Variants in ROBO1 observed in about 807,000 individuals in gnomAD.
ROBO1 encodes roundabout guidance receptor 1.
Under a neutral mutation model 195.9 loss-of-function variants are expected in ROBO1, and 149 were observed. That is an observed-to-expected ratio of 0.76 (90% CI 0.67 to 0.87). The LOEUF is 0.87. ROBO1 is among the 40% of genes least tolerant of loss of function. The pLI is 0.00. For missense variants in ROBO1, 1,933 were observed against 2,068.3 expected (o/e 0.93, Z 1.27); for synonymous variants, 816 against 733.2 (o/e 1.11, Z -1.82).
rs540985930 is a variant in ROBO1, at chr3:78,982,913, CT to C, written c.173-43987del. 8.4e-4 allele frequency among the ~76,000 whole-genome samples: 126 copies of C among 149,408 alleles called. 1 individual carries two copies. Among genetic ancestry groups the C allele is most frequent in the African/African-American group, 2.9e-3 (120 of 40,882 alleles). ...GGATTACAGGTGTGAGACACCACAT[CT>C]TTTTTTTTTATTTTTTTGAGACAAA... On this transcript the variant is annotated intron_variant, in intron 3 of 30. Coordinates refer to ENST00000464233, the MANE Select transcript of ROBO1 (RefSeq NM_002941.4).
chr3:79,221,506 G>T (rs966783279), intron 2 of ROBO1, among the ~76,000 whole-genome samples: 1 of 151,976 alleles, frequency 6.6e-6, no homozygotes, highest in Non-Finnish European at 1.5e-5. Context: ...TTAGATTAGC[G>T]ACTTGTTTTT....
At chr3:79,633,490 T>C (rs1945407764) in intron 1 of ROBO1, among the ~76,000 whole-genome samples, 1 of 151,588 alleles carries the variant, frequency 6.6e-6, no homozygotes, top group African/African-American at 2.4e-5. Flanking sequence ...CCAGCCTACA[T>C]ATTTGTTCTT....
At chr3:78,675,233 G>T (rs147542598) in intron 10 of ROBO1, among the ~76,000 whole-genome samples, 188 of 151,968 alleles carry the variant, frequency 1.2e-3, no homozygotes, top group African/African-American at 4.2e-3. Context: ...CTCCCAGCGT[G>T]AGCGACGCAG....
chr3:79,221,685 T>G (rs1185694065), intron 2 of ROBO1, among the ~76,000 whole-genome samples: 1 of 152,100 alleles, frequency 6.6e-6, no homozygotes, highest in East Asian at 1.9e-4. Context: ...CATACAAGTT[T>G]ATGTGAAGGG....
At position 79,707,121 on chromosome 3, in the gene ROBO1, A is replaced by G. The variant is rs144584947; in HGVS notation, c.-51+60631T>C. On this transcript the variant is annotated intron_variant, in intron 1 of 30. Transcript: ENST00000464233. ...CTGGAACTCACCAGGTAATTCATCT[A>G]GGCATGGTGCTTTCAGATTTAGAAA... 1.0e-3 allele frequency among the ~76,000 whole-genome samples: 156 copies of G among 152,232 alleles called. 1 individual carries two copies. The highest frequency in any genetic ancestry group is 1.7e-3 in the Non-Finnish European group (117 of 68,016).
intron 4 of ROBO1, among the ~76,000 whole-genome samples, chr3:78,799,578 T>TG (rs1328767142): frequency 6.6e-6 from 1 of 151,850 alleles, no homozygotes; most frequent in Non-Finnish European, 1.5e-5. Context: ...CCTGACCTCG[T>TG]GATCCACCCA....
At chr3:79,508,912 C>A (rs1298761223) in intron 2 of ROBO1, among the ~76,000 whole-genome samples, 1 of 152,018 alleles carries the variant, frequency 6.6e-6, no homozygotes, top group African/African-American at 2.4e-5. Context: ...TCATGTATTT[C>A]ATTTAAGATA....
chr3:79,576,626 T>C (rs1430023354), intron 2 of ROBO1, among the ~76,000 whole-genome samples: 1 of 152,136 alleles, frequency 6.6e-6, no homozygotes, highest in Non-Finnish European at 1.5e-5. Context: ...CCAATGCTTT[T>C]GGTTAACATT....
intron 2 of ROBO1, among the ~76,000 whole-genome samples, chr3:79,261,357 G>T (rs1408778361): frequency 6.6e-6 from 1 of 151,938 alleles, no homozygotes; most frequent in African/African-American, 2.4e-5. Context: ...ATCAGGCACT[G>T]TAAAAATGGG....
At chr3:78,736,939 A>T (rs1191430190) in intron 5 of ROBO1, among the ~76,000 whole-genome samples, 1 of 152,190 alleles carries the variant, frequency 6.6e-6, no homozygotes, top group East Asian at 1.9e-4. Context: ...CATCTGAATC[A>T]CATAATTTCT....
intron 1 of ROBO1, among the ~76,000 whole-genome samples, chr3:79,638,925 T>C (rs189041647): frequency 1.4e-4 from 22 of 152,282 alleles, no homozygotes. Flanking sequence ...TTTCAGAATA[T>C]CAAGTACCAC....
At chr3:79,220,132 A>C (rs1321987738) in intron 2 of ROBO1, among the ~76,000 whole-genome samples, 1 of 152,120 alleles carries the variant, frequency 6.6e-6, no homozygotes, top group East Asian at 1.9e-4. Flanking sequence ...CTTAGAGAAA[A>C]TATAATACAA....
chr3:79,431,224 A>G (rs1243636453), intron 2 of ROBO1, among the ~76,000 whole-genome samples: 1 of 152,168 alleles, frequency 6.6e-6, no homozygotes, highest in African/African-American at 2.4e-5. Flanking sequence ...AACTAGTATC[A>G]TATACAAATG....
chr3:79,525,608 C>CT (rs371275904), intron 2 of ROBO1, among the ~76,000 whole-genome samples: 12,199 of 133,208 alleles, frequency 0.092, 697 homozygotes, highest in East Asian at 0.17. Context: ...GAACTTTACA[C>CT]TTTTTTTTTT....
intron 2 of ROBO1, among the ~76,000 whole-genome samples, chr3:79,518,349 G>A (rs868282244): frequency 1.3e-4 from 20 of 152,014 alleles, no homozygotes; most frequent in African/African-American, 4.8e-4. Flanking sequence ...CAAATATGAT[G>A]GCCAAGCTTA....
intron 2 of ROBO1, among the ~76,000 whole-genome samples, chr3:79,247,187 G>C (rs2082640914): frequency 6.8e-6 from 1 of 146,682 alleles, no homozygotes; most frequent in Non-Finnish European, 1.5e-5. Context: ...TGTGAACATA[G>C]ATAGAATTTT....
intron 29 of ROBO1, among the ~76,000 whole-genome samples, chr3:78,604,473 T>A (rs996937049): frequency 3.3e-5 from 5 of 152,222 alleles, no homozygotes; most frequent in African/African-American, 1.2e-4. Context: ...AATCACTATT[T>A]GGAGTCGAGT....
chr3:78,717,320 G>A lies in ROBO1; in HGVS notation c.872C>T (p.Pro291Leu). Residue 291 changes from proline (P) to leucine (L), a missense_variant, in exon 7 of 31, where the codon CCT becomes CTT. This residue lies in a region of ROBO1 where 1,737 missense variants were observed against 1,882.5 expected (regional missense o/e 0.92). Transcript: ENST00000464233. ...ATCATCTTTCCTCCATCGTACTGTA[G>A]GTACAGGGTCACCTCGGGCCTCACA... ...FKCEARGDPV[P>L]TVRWRKDDGE... 4 of 1,608,390 alleles carry A rather than the reference G, an allele frequency of 2.5e-6. No homozygotes were observed. The South Asian group carries it at 3.3e-5, about 13-fold the overall frequency.
At chr3:79,093,069 T>C (rs1263119755) in intron 3 of ROBO1, among the ~76,000 whole-genome samples, 2 of 152,154 alleles carry the variant, frequency 1.3e-5, no homozygotes, top group Non-Finnish European at 2.9e-5. Context: ...CATACACACA[T>C]GTGTACTAAT....
Sources: gnomAD v4.1 joint callset for allele counts (sites outside exome capture counted in the v4.1 genomes callset) on GRCh38, gnomAD v4.1.1 for gene constraint, gnomAD v4.1.1 regional missense constraint, MANE v1.5 for transcripts, NCBI Gene and HGNC (gene_info 2026-07-23, HGNC 2026-07-21) for gene names.